ADGRB3: variants seen among roughly 807,000 people sequenced by gnomAD.
ADGRB3 encodes brain-specific angiogenesis inhibitor 3.
In ADGRB3, 37 loss-of-function variants were observed where a neutral mutation model predicts 193.4. That is an observed-to-expected ratio of 0.19 (90% confidence interval 0.15 to 0.25). The LOEUF (loss-of-function observed/expected upper bound fraction) is 0.25. ADGRB3 is among the 10% of genes least tolerant of loss of function. The pLI, the probability that ADGRB3 is intolerant of heterozygous loss-of-function variation, is 1.00. For missense variants in ADGRB3, 1,637 were observed against 1,852.9 expected, an observed-to-expected ratio of 0.88 and a Z score of 2.14; for synonymous variants, 690 against 644.2, an observed-to-expected ratio of 1.07 and a Z score of -1.08.
chr6:68,976,452 C>A (rs1463681289), intron 10 of ADGRB3, among the ~76,000 whole-genome samples: 1 of 151,746 alleles, frequency 6.6e-6, no homozygotes, highest in African/African-American at 2.4e-5. Flanking sequence ...AATAATGTGG[C>A]CGTTAGGGGC....
chr6:69,180,058 G>T (rs1362987275), intron 17 of ADGRB3, among the ~76,000 whole-genome samples: 1 of 152,246 alleles, frequency 6.6e-6, no homozygotes, highest in Non-Finnish European at 1.5e-5. Context: ...GGACTATCCA[G>T]TGGATGGCTA....
At chr6:69,255,505 TG>T (rs1422037915) in intron 20 of ADGRB3, among the ~76,000 whole-genome samples, 2 of 152,228 alleles carry the variant, frequency 1.3e-5, no homozygotes, top group African/African-American at 4.8e-5. Context: ...ATAAATGTCT[TG>T]AGAAGTGTCT....
chr6:69,123,407 T>C (rs1582478644), intron 17 of ADGRB3, among the ~76,000 whole-genome samples: 1 of 152,178 alleles, frequency 6.6e-6, no homozygotes, highest in East Asian at 1.9e-4. Context: ...TGCAGATTGT[T>C]CAACATTTAT....
intron 3 of ADGRB3, among the ~76,000 whole-genome samples, chr6:68,788,864 A>T (rs1767034158): frequency 6.6e-6 from 1 of 152,196 alleles, no homozygotes; most frequent in Non-Finnish European, 1.5e-5. Context: ...TACATATAGG[A>T]TAGTTAGCTC....
At chr6:69,366,299 T>C (rs1188000170) in intron 29 of ADGRB3, among the ~76,000 whole-genome samples, 1 of 152,144 alleles carries the variant, frequency 6.6e-6, no homozygotes, top group Non-Finnish European at 1.5e-5. Context: ...GTATCATTTC[T>C]GCAGCTATTT....
chr6:69,088,645 A>T (rs1772619520), intron 17 of ADGRB3, among the ~76,000 whole-genome samples: 1 of 152,236 alleles, frequency 6.6e-6, no homozygotes, highest in Non-Finnish European at 1.5e-5. Flanking sequence ...AAATGCTGGG[A>T]TGACAGGCAT....
intron 8 of ADGRB3, among the ~76,000 whole-genome samples, chr6:68,962,861 A>G (rs1218531447): frequency 6.6e-6 from 1 of 152,150 alleles, no homozygotes; most frequent in African/African-American, 2.4e-5. Flanking sequence ...AGACTGCCCC[A>G]GCACTCTTCT....
intron 10 of ADGRB3, among the ~76,000 whole-genome samples, chr6:68,980,069 G>C (rs1341562746): frequency 6.6e-6 from 1 of 151,402 alleles, no homozygotes; most frequent in African/African-American, 2.4e-5. Flanking sequence ...TGATGAAGAT[G>C]GAGAAAGGCT....
At chr6:68,871,848 C>T (rs2150220130) in intron 3 of ADGRB3, among the ~76,000 whole-genome samples, 1 of 152,082 alleles carries the variant, frequency 6.6e-6, no homozygotes, top group East Asian at 1.9e-4. Flanking sequence ...TGTTTTATCT[C>T]CCTAAAATCT....
chr6:69,003,297 C>A (rs937582517), intron 11 of ADGRB3, among the ~76,000 whole-genome samples: 4 of 152,176 alleles, frequency 2.6e-5, no homozygotes, highest in Non-Finnish European at 4.4e-5. Context: ...GAATGTTTCT[C>A]ATGGAACCAC....
rs867797265 is a variant in ADGRB3 at position 68,843,916 on chromosome 6, T to C, written c.758-86643T>C. On this transcript the variant is annotated intron_variant, in intron 3 of 31. Coordinates refer to ENST00000370598, the MANE Select transcript of ADGRB3 (RefSeq NM_001704.3). ...ATAACACAGCTGCCAAGAATGTACA[T>C]TGGGGAAAAACTATCTCTTCAATAA... Among the ~76,000 whole-genome samples, 26 of 152,058 alleles carry C rather than the reference T, an allele frequency of 1.7e-4. 1 individual carries two copies. The highest frequency in any genetic ancestry group is 6.0e-4 in the African/African-American group (25 of 41,522).
intron 15 of ADGRB3, among the ~76,000 whole-genome samples, chr6:69,055,269 AC>A (rs1488868229): frequency 6.6e-6 from 1 of 152,192 alleles, no homozygotes; most frequent in Non-Finnish European, 1.5e-5. Flanking sequence ...AAGACTATAC[AC>A]ATTAAAGCAC....
intron 20 of ADGRB3, among the ~76,000 whole-genome samples, chr6:69,266,895 G>C (rs570906855): frequency 6.6e-6 from 1 of 151,958 alleles, no homozygotes; most frequent in South Asian, 2.1e-4. Flanking sequence ...GATTATCCTT[G>C]GCTACAAAGA....
At chr6:68,857,155 A>T (rs1765011422) in intron 3 of ADGRB3, among the ~76,000 whole-genome samples, 1 of 152,186 alleles carries the variant, frequency 6.6e-6, no homozygotes, top group Non-Finnish European at 1.5e-5. Context: ...GGGGCCCCTC[A>T]TGGAGAACCT....
intron 3 of ADGRB3, among the ~76,000 whole-genome samples, chr6:68,875,022 ACTTT>A (rs998726319): frequency 5.1e-5 from 7 of 137,782 alleles, no homozygotes; most frequent in Non-Finnish European, 1.0e-4. Flanking sequence ...TGAAGCATTT[ACTTT>A]CTTTCTTTCT....
intron 13 of ADGRB3, among the ~76,000 whole-genome samples, chr6:69,034,088 T>C (rs1770793354): frequency 6.6e-6 from 1 of 151,998 alleles, no homozygotes; most frequent in Admixed American, 6.6e-5. Context: ...ACTAAAGCAT[T>C]TTCTTTATTA....
intron 8 of ADGRB3, among the ~76,000 whole-genome samples, chr6:68,974,480 A>G (rs972013125): frequency 7.9e-5 from 12 of 152,108 alleles, no homozygotes; most frequent in Non-Finnish European, 1.3e-4. Context: ...ATTAAAACAA[A>G]AAATCGGCCA....
At chr6:68,637,332 G>T (rs957932375) in intron 1 of ADGRB3, 59 bp from the exon 2 acceptor site, 2 of 152,604 alleles carry the variant, frequency 1.3e-5, no homozygotes, top group African/African-American at 4.8e-5. Context: ...AGAAGACCCA[G>T]GCAAAGGCAT....
At chr6:68,825,568 C>A (rs1767827225) in intron 3 of ADGRB3, among the ~76,000 whole-genome samples, 1 of 152,118 alleles carries the variant, frequency 6.6e-6, no homozygotes, top group Non-Finnish European at 1.5e-5. Flanking sequence ...GTGTCCCCAC[C>A]CAGATCTCAT....
Sources: gnomAD v4.1 joint callset for allele counts (sites outside exome capture counted in the v4.1 genomes callset) on GRCh38, gnomAD v4.1.1 for gene constraint, MANE v1.5 for transcripts, NCBI Gene and HGNC (gene_info 2026-07-23, HGNC 2026-07-21) for gene names.